VCL: variants seen among roughly 807,000 people sequenced by gnomAD.
The protein encoded by VCL is epididymis luminal protein 114.
VCL carries 47 observed loss-of-function variants against 125.7 expected under a neutral mutation model. The ratio of observed to expected loss-of-function variants is 0.37; its 90% CI spans 0.30 to 0.48. The LOEUF (loss-of-function observed/expected upper bound fraction) is 0.48. Among genes scored for constraint, VCL ranks in the 20% least tolerant of loss-of-function variants. VCL has a pLI of 0.99. For missense variants in VCL, 1,069 were observed against 1,455.5 expected, an observed-to-expected ratio of 0.73 and a Z score of 4.32; for synonymous variants, 458 against 514.6, an observed-to-expected ratio of 0.89 and a Z score of 1.49.
At chr10:74,048,255 G>A (rs546917050) in intron 2 of VCL, among the ~76,000 whole-genome samples, 1 of 152,110 alleles carries the variant, frequency 6.6e-6, no homozygotes, top group South Asian at 2.1e-4. Flanking sequence ...GATCACTTGA[G>A]GTCAAGAGTT....
Position 73,998,294 on chromosome 10 carries a change from G to A in VCL, c.87G>A (p.Glu29=), listed in dbSNP as rs2136218290. The change falls in exon 1 of 22, where the codon GAG becomes GAA. Residue 29 remains glutamate, a synonymous_variant. Transcript: ENST00000211998. The part of the protein sequence containing the change: ...QISHLVIMHE[E]GEVDGKAIPD... ...CCCACCTGGTGATAATGCACGAGGAGGGCGAGGTGGACGGCAAAGCCATTC... is the reference window on the plus strand; with the variant it reads ...CCCACCTGGTGATAATGCACGAGGAAGGCGAGGTGGACGGCAAAGCCATTC... 1.2e-6 allele frequency: 2 copies of A among 1,603,032 alleles called. No homozygotes were observed. Among genetic ancestry groups the A allele is most frequent in the South Asian group, 1.1e-5 (1 of 89,536 alleles).
chr10:74,107,295 G>C lies in VCL; in HGVS notation c.2500G>C (p.Ala834Pro). 6.2e-7 allele frequency: 1 copy of C among 1,614,214 alleles called. No individual in the cohort carries two copies. The highest frequency in any genetic ancestry group is 1.7e-5 in the Admixed American group (1 of 60,030). ...ILGAVAKVRE[A>P]FQPQEPDFPP... ...GGGAGCTGTGGCCAAGGTCAGAGAAGCCTTCCAACCTCAGGAGCCTGACTT... is the reference window on the plus strand; with the variant it reads ...GGGAGCTGTGGCCAAGGTCAGAGAACCCTTCCAACCTCAGGAGCCTGACTT... The change falls in exon 17 of 22, where the codon GCC (alanine) becomes CCC (proline). Residue 834 changes from alanine to proline, a missense_variant. Around this residue, in one of 6 missense-constraint regions of VCL, gnomAD observed 760 missense variants for 928.9 expected, o/e 0.82. Transcript: ENST00000211998.
chr10:74,097,465 G>A lies in VCL; in HGVS notation c.1872+133G>A. ...ATGAAGGGTGGAAGAGCAGAACAGG[G>A]AAAGCCCTACCACCTCTACTTTTAG... is the stretch of plus-strand genomic sequence containing the variant. On this transcript the variant is annotated intron_variant, in intron 13 of 21. Coordinates refer to ENST00000211998, the MANE Select transcript of VCL (RefSeq NM_014000.3). The surrounding 1 kb of genome is among the most constrained non-coding windows in gnomAD (Gnocchi z 4.1). The A allele has an allele frequency of 7.4e-7, 1 of 1,355,032 alleles. No homozygotes were observed. The highest frequency in any genetic ancestry group is 1.0e-6 in the Non-Finnish European group (1 of 969,448). The allele number at this position is 1,355,032 out of a possible 1,614,324, so 83.9% of individuals were successfully genotyped here.
At chr10:74,050,412 T>A (rs1025428931) in intron 2 of VCL, among the ~76,000 whole-genome samples, 1 of 152,224 alleles carries the variant, frequency 6.6e-6, no homozygotes, top group Non-Finnish European at 1.5e-5. Context: ...AGAACAGTTA[T>A]GGTATTTACT....
At chr10:74,084,774 G>A (rs989241095) in intron 8 of VCL, among the ~76,000 whole-genome samples, 2 of 151,386 alleles carry the variant, frequency 1.3e-5, no homozygotes, top group African/African-American at 2.4e-5. Flanking sequence ...CACCATGCCC[G>A]GCTAAGTTTG....
chr10:74,040,318 T>C (rs1841071110), intron 1 of VCL, among the ~76,000 whole-genome samples: 1 of 152,220 alleles, frequency 6.6e-6, no homozygotes, highest in African/African-American at 2.4e-5. Context: ...CTCATGTTGT[T>C]GTGCTAAAAG....
At chr10:74,045,275 A>C (rs1415854645) in intron 2 of VCL, among the ~76,000 whole-genome samples, 1 of 151,516 alleles carries the variant, frequency 6.6e-6, no homozygotes. Flanking sequence ...GGATAGATAG[A>C]TAGATAGATA....
intron 1 of VCL, among the ~76,000 whole-genome samples, chr10:74,017,943 G>C (rs190048110): frequency 1.2e-3 from 189 of 151,510 alleles, no homozygotes; most frequent in African/African-American, 4.4e-3. Flanking sequence ...CAGATTGCTT[G>C]AGCGTAGAAG....
chr10:74,002,041 C>G (rs1042578940), intron 1 of VCL, among the ~76,000 whole-genome samples: 1 of 152,148 alleles, frequency 6.6e-6, no homozygotes, highest in African/African-American at 2.4e-5. Flanking sequence ...TAGTCATTCA[C>G]TTATCAAGCA....
chr10:74,113,079 C>G (rs984909155), intron 19 of VCL, among the ~76,000 whole-genome samples: 5 of 152,176 alleles, frequency 3.3e-5, no homozygotes, highest in African/African-American at 1.2e-4. Context: ...GTAGAGGCCT[C>G]TTGCAGAGCA....
intron 2 of VCL, among the ~76,000 whole-genome samples, chr10:74,053,240 C>T (rs954410788): frequency 2.8e-4 from 42 of 152,018 alleles, no homozygotes; most frequent in African/African-American, 9.7e-4. Context: ...AAAAGAAACT[C>T]GCTCAGTTTT....
intron 2 of VCL, among the ~76,000 whole-genome samples, chr10:74,044,362 G>C (rs1222689719): frequency 6.6e-6 from 1 of 152,074 alleles, no homozygotes; most frequent in Non-Finnish European, 1.5e-5. Flanking sequence ...AAAAAAAATA[G>C]AACTCATAGA....
chr10:74,022,530 A>C (rs763445021), intron 1 of VCL, among the ~76,000 whole-genome samples: 1 of 151,968 alleles, frequency 6.6e-6, no homozygotes, highest in Non-Finnish European at 1.5e-5. Flanking sequence ...TGGGTGACAG[A>C]GCGAGACTCC....
At chr10:74,049,544 T>C (rs992697388) in intron 2 of VCL, among the ~76,000 whole-genome samples, 1 of 151,988 alleles carries the variant, frequency 6.6e-6, no homozygotes, top group Admixed American at 6.6e-5. Context: ...AAGTGGGGCT[T>C]GGGAGGATGG....
At chr10:74,013,520 C>T (rs923128547) in intron 1 of VCL, among the ~76,000 whole-genome samples, 8 of 151,812 alleles carry the variant, frequency 5.3e-5, no homozygotes, top group Admixed American at 3.3e-4. Context: ...ACCAAAGTCA[C>T]ACTTTAGATA....
intron 1 of VCL, among the ~76,000 whole-genome samples, chr10:74,023,749 G>A (rs886918733): frequency 2.6e-5 from 4 of 152,226 alleles, no homozygotes; most frequent in African/African-American, 9.6e-5. Flanking sequence ...ACCAAAGGCT[G>A]TGTCTAATCT....
chr10:74,008,498 C>T (rs1462584606), intron 1 of VCL, among the ~76,000 whole-genome samples: 2 of 152,132 alleles, frequency 1.3e-5, no homozygotes, highest in Non-Finnish European at 2.9e-5. Context: ...ATGATTTAGA[C>T]CAGATGTTGA....
intron 1 of VCL, among the ~76,000 whole-genome samples, chr10:74,018,177 G>GAGATATATATATATATAT (rs113828874): frequency 8.9e-4 from 73 of 81,846 alleles, no homozygotes; most frequent in African/African-American, 3.1e-3. Flanking sequence ...ATATATATAG[G>GAGATATATATATATATAT]ATATATATAT....
chr10:74,030,023 G>A (rs1434461509), intron 1 of VCL, among the ~76,000 whole-genome samples: 1 of 152,166 alleles, frequency 6.6e-6, no homozygotes, highest in Non-Finnish European at 1.5e-5. Context: ...TGAGGCTTCA[G>A]TAAAATTTCA....
Sources: allele counts gnomAD v4.1 joint callset (sites outside exome capture counted in the v4.1 genomes callset), GRCh38; gene constraint gnomAD v4.1.1; regional missense constraint gnomAD v4.1.1; non-coding constraint Gnocchi (gnomAD v3.1); transcripts MANE v1.5; gene names NCBI Gene and HGNC (gene_info 2026-07-23, HGNC 2026-07-21).